The following MSI2 variants were observed in gnomAD, a reference collection of about 807,000 sequenced individuals.
MSI2 encodes the protein RNA-binding protein Musashi homolog 2.
In MSI2, 17 loss-of-function variants were observed where a neutral mutation model predicts 45.6. The observed-to-expected ratio is 0.37, with a 90% CI of 0.26 to 0.56. The LOEUF is 0.56. MSI2 is among the 20% of genes least tolerant of loss of function. MSI2 has a pLI of 0.77. For missense variants in MSI2, 293 were observed against 444.2 expected (o/e 0.66, Z 3.06); for synonymous variants, 156 against 158.2 (o/e 0.99, Z 0.11).
chr17:57,318,738 G>A (rs1367049157), intron 5 of MSI2, among the ~76,000 whole-genome samples: 2 of 152,224 alleles, frequency 1.3e-5, no homozygotes, highest in Admixed American at 1.3e-4. Context: ...AGTCCGAGGA[G>A]TGCCTTTGTG....
intron 8 of MSI2, chr17:57,606,427 A>G (rs998097050): frequency 3.3e-5 from 5 of 152,286 alleles, no homozygotes; most frequent in African/African-American, 1.2e-4. Context: ...GAGAGCCGGC[A>G]AGTGGAACAG....
At chr17:57,354,953 G>C (rs941436296) in intron 5 of MSI2, among the ~76,000 whole-genome samples, 1 of 152,162 alleles carries the variant, frequency 6.6e-6, no homozygotes, top group East Asian at 1.9e-4. Context: ...GAAAAATGTG[G>C]AGTCTGTGAC....
intron 10 of MSI2, among the ~76,000 whole-genome samples, chr17:57,635,990 A>C (rs1909806168): frequency 6.6e-6 from 1 of 152,156 alleles, no homozygotes; most frequent in Admixed American, 6.5e-5. Context: ...TCTAAAAGAT[A>C]CGTGGGGGAG....
intron 10 of MSI2, chr17:57,632,359 G>A (rs1752843765): frequency 2.8e-6 from 3 of 1,066,828 alleles, no homozygotes; most frequent in Non-Finnish European, 3.4e-6. Flanking sequence ...TGGAAGAGGA[G>A]CTATATAAAC....
chr17:57,341,490 A>G (rs2143791044), intron 5 of MSI2, among the ~76,000 whole-genome samples: 1 of 152,330 alleles, frequency 6.6e-6, no homozygotes, highest in South Asian at 2.1e-4. Context: ...ACCCTGTACC[A>G]TCTAAGGCCA....
At chr17:57,403,272 G>GTCTC (rs550014307) in intron 6 of MSI2, among the ~76,000 whole-genome samples, 3 of 151,556 alleles carry the variant, frequency 2.0e-5, no homozygotes, top group African/African-American at 4.8e-5. Flanking sequence ...GTTTCTTTCT[G>GTCTC]TCTCTCTCTC....
intron 6 of MSI2, among the ~76,000 whole-genome samples, chr17:57,472,039 G>A (rs1253766553): frequency 3.3e-5 from 5 of 152,226 alleles, no homozygotes; most frequent in Non-Finnish European, 7.3e-5. Context: ...CTCTCTTGCT[G>A]TGGGTGGGCG....
At chr17:57,417,401 C>T (rs568613003) in intron 6 of MSI2, among the ~76,000 whole-genome samples, 1 of 152,220 alleles carries the variant, frequency 6.6e-6, no homozygotes, top group Non-Finnish European at 1.5e-5. Context: ...TTGACTTTGT[C>T]ATCAGCTGCA....
At chr17:57,508,212 C>T (rs916078139) in intron 6 of MSI2, among the ~76,000 whole-genome samples, 6 of 152,122 alleles carry the variant, frequency 3.9e-5, no homozygotes, top group Non-Finnish European at 8.8e-5. Flanking sequence ...GCTGGCAGCT[C>T]TGGACAGGCC....
At chr17:57,667,868 ATACACT>A (rs548609371) in intron 11 of MSI2, among the ~76,000 whole-genome samples, 24 of 152,262 alleles carry the variant, frequency 1.6e-4, no homozygotes, top group African/African-American at 5.5e-4. Context: ...GGGGCTTGAG[ATACACT>A]TACAGACTCA....
At chr17:57,309,249 A>C (rs1912167721) in intron 5 of MSI2, among the ~76,000 whole-genome samples, 1 of 152,182 alleles carries the variant, frequency 6.6e-6, no homozygotes, top group Non-Finnish European at 1.5e-5. Context: ...TTTTTGCCTC[A>C]AGTTTGGGGC....
intron 6 of MSI2, among the ~76,000 whole-genome samples, chr17:57,463,155 A>G (rs1295425625): frequency 6.6e-6 from 1 of 151,756 alleles, no homozygotes. Context: ...TTCTGCTAGG[A>G]CCCCGGCCTG....
intron 6 of MSI2, among the ~76,000 whole-genome samples, chr17:57,520,587 G>A (rs1003149600): frequency 2.0e-5 from 3 of 152,228 alleles, no homozygotes; most frequent in African/African-American, 7.2e-5. Flanking sequence ...CCCCAAAAAT[G>A]GTTAAAATGA....
intron 5 of MSI2, among the ~76,000 whole-genome samples, chr17:57,351,596 C>G (rs1916035958): frequency 6.6e-6 from 1 of 152,222 alleles, no homozygotes; most frequent in African/African-American, 2.4e-5. Context: ...CGGCTCATGC[C>G]TGTAATCCCA....
At position 57,546,583 on chromosome 17, in the gene MSI2, G is replaced by A. The variant is rs2087172653; in HGVS notation, c.454+16859G>A. The stretch of plus-strand genomic sequence containing the variant: ...TCAAATCCAAGAATGCCCTTGGAAG[G>A]CTGTGTGGCATGGTGATAAAGGCCT... On this transcript the variant is annotated intron_variant, in intron 7 of 13. Coordinates refer to ENST00000284073, the MANE Select transcript of MSI2 (RefSeq NM_138962.4). Among the ~76,000 whole-genome samples the A allele has an allele frequency of 1.3e-5, 2 of 152,186 alleles. 1 individual carries two copies. Among genetic ancestry groups the A allele is most frequent in the South Asian group, 4.1e-4 (2 of 4,828 alleles).
At chr17:57,637,685 T>A (rs1412131587) in intron 10 of MSI2, among the ~76,000 whole-genome samples, 1 of 152,204 alleles carries the variant, frequency 6.6e-6, no homozygotes, top group Non-Finnish European at 1.5e-5. Context: ...AGGCTATTGA[T>A]CCTTCCTCAC....
chr17:57,510,424 GT>G (rs2086329173), intron 6 of MSI2, among the ~76,000 whole-genome samples: 1 of 150,224 alleles, frequency 6.7e-6, no homozygotes. Context: ...TTGTTTGTTT[GT>G]TTTGTCTTTT....
At chr17:57,559,953 C>T (rs950323974) in intron 7 of MSI2, among the ~76,000 whole-genome samples, 2 of 152,208 alleles carry the variant, frequency 1.3e-5, no homozygotes, top group African/African-American at 2.4e-5. Flanking sequence ...TGCTATTGGT[C>T]GGTGGAATTG....
downstream of MSI2, among the ~76,000 whole-genome samples, chr17:57,688,980 C>T (rs1249910215): frequency 6.6e-6 from 1 of 152,140 alleles, no homozygotes; most frequent in African/African-American, 2.4e-5. Flanking sequence ...AATTACATCT[C>T]GACTGGTGAA....
Sources: allele counts gnomAD v4.1 joint callset (sites outside exome capture counted in the v4.1 genomes callset), GRCh38; gene constraint gnomAD v4.1.1; transcripts MANE v1.5; gene names NCBI Gene and HGNC (gene_info 2026-07-23, HGNC 2026-07-21).